TAF13: variants seen among roughly 807,000 people sequenced by gnomAD.
The protein encoded by TAF13 is TATA-box binding protein associated factor 13.
In TAF13, 9 loss-of-function variants were observed where a neutral mutation model predicts 18.7. The ratio of observed to expected loss-of-function variants is 0.48; its 90% CI spans 0.29 to 0.84. The LOEUF (loss-of-function observed/expected upper bound fraction) is 0.84, where lower values mean the gene tolerates loss of function less well. Ranked by LOEUF, TAF13 falls within the 40% of genes least tolerant of loss-of-function variation. The pLI, the probability that TAF13 is intolerant of heterozygous loss-of-function variation, is 0.08. For synonymous variants in TAF13, 49 were observed against 44.1 expected (o/e 1.11, Z -0.44); for missense variants, 105 against 146.5 (o/e 0.72, Z 1.46).
chr1:109,074,596 AT>A (rs1482825731), intron 2 of TAF13, among the ~76,000 whole-genome samples: 2 of 152,176 alleles, frequency 1.3e-5, no homozygotes, highest in South Asian at 2.1e-4. Flanking sequence ...AATTAAAAAA[AT>A]AAAATAAAGC....
In TAF13 at chr1:109,066,259, G is replaced by C. The variant is rs751318190; in HGVS notation, c.107-27C>G. 6.0e-6 allele frequency: 9 copies of C among 1,508,666 alleles called. No individual in the cohort carries two copies. In the Admixed American group the frequency reaches 8.3e-5, roughly 14 times the overall value. The allele number at this position is 1,508,666 out of a possible 1,614,324, so 93.5% of individuals were successfully genotyped here. A position where few individuals can be genotyped will look rare whatever the true frequency, so the allele number is the denominator to read the frequency against. On this transcript the variant is annotated intron_variant, in intron 2 of 3. Coordinates refer to ENST00000338366, the MANE Select transcript of TAF13 (RefSeq NM_005645.4). ...TGTAAAAGAACAATCACTTACTTTT[G>C]TTTACTTTTACAGATTTAACAATTT...
intron 2 of TAF13, among the ~76,000 whole-genome samples, chr1:109,071,427 C>G (rs1284033699): frequency 7.0e-6 from 1 of 142,820 alleles, no homozygotes; most frequent in African/African-American, 2.6e-5. Context: ...GGTGACAGAG[C>G]AAGGCTCCAT....
At chr1:109,066,018 A>G (rs1663945607) in intron 3 of TAF13, 117 bp downstream of exon 3, 2 of 774,280 alleles carry the variant, frequency 2.6e-6, no homozygotes, top group African/African-American at 1.8e-5. Context: ...TTCTGCAAAC[A>G]AGCACTCAAA....
rs1240556609 is a variant in TAF13 at position 109,066,228 on chromosome 1, T to A, written c.111A>T (p.Arg37=). The A allele has an allele frequency of 6.3e-7, 1 of 1,598,658 alleles. No individual in the cohort carries two copies. Among genetic ancestry groups the A allele is most frequent in the Non-Finnish European group, 8.5e-7 (1 of 1,175,146 alleles). The part of the protein sequence containing the change: ...KRKRLFSKEL[R]CMMYGFGDDQ... Reference sequence around the variant, plus strand: ...CATCCCCAAAGCCATACATCATACATCGCACTGTAAAAGAACAATCACTTA... The same window carrying A: ...CATCCCCAAAGCCATACATCATACAACGCACTGTAAAAGAACAATCACTTA... Residue 37 remains arginine, a synonymous_variant, in exon 3 of 4, where the codon CGA becomes CGT. Transcript: ENST00000338366.
At chr1:109,070,091 A>G (rs901330658) in intron 2 of TAF13, among the ~76,000 whole-genome samples, 1 of 152,172 alleles carries the variant, frequency 6.6e-6, no homozygotes, top group Non-Finnish European at 1.5e-5. Flanking sequence ...TTCAGATTTT[A>G]CAAGTTTTTC....
At chr1:109,075,097 A>G in intron 1 of TAF13, 32 bp from the exon 2 acceptor site, 1 of 1,524,404 alleles carries the variant, frequency 6.6e-7, no homozygotes, top group East Asian at 2.3e-5. Flanking sequence ...TAGAAATGTC[A>G]AATAATTGCC....
intron 2 of TAF13, among the ~76,000 whole-genome samples, chr1:109,070,717 G>A (rs1664035436): frequency 6.6e-6 from 1 of 151,964 alleles, no homozygotes; most frequent in African/African-American, 2.4e-5. Context: ...TTTTTTAAAG[G>A]TTCAGGAGAA....
intron 2 of TAF13, among the ~76,000 whole-genome samples, chr1:109,070,502 C>A (rs775203930): frequency 6.6e-6 from 1 of 152,172 alleles, no homozygotes; most frequent in Non-Finnish European, 1.5e-5. Flanking sequence ...TAGGCATGAG[C>A]CACCGTGCCC....
chr1:109,064,659 C>A lies in TAF13; in HGVS notation c.239G>T (p.Arg80Leu). ...HKAMSIGRQG[R>L]VQVEDIVFLI... ...GAAGACGATATCTTCAACTTGTACT[C>A]GACCTTGTCTTCCAATTGACATTGC... Residue 80 changes from arginine to leucine, a missense_variant, in exon 4 of 4, where the codon CGA (arginine) becomes CTA (leucine). Arg to Leu is a moderately radical substitution (Grantham distance 102). Transcript: ENST00000338366. The A allele has an allele frequency of 6.5e-7, 1 of 1,548,372 alleles. No individual in the cohort carries two copies. Among genetic ancestry groups the A allele is most frequent in the Non-Finnish European group, 8.7e-7 (1 of 1,148,310 alleles).
chr1:109,072,780 C>CTT (rs58964826), intron 2 of TAF13, among the ~76,000 whole-genome samples: 2 of 130,426 alleles, frequency 1.5e-5, no homozygotes, highest in African/African-American at 5.8e-5. Context: ...GATTCACCAC[C>CTT]TTTTTTTTTT....
chr1:109,069,926 A>T (rs548904486), intron 2 of TAF13, among the ~76,000 whole-genome samples: 32 of 151,976 alleles, frequency 2.1e-4, no homozygotes, highest in African/African-American at 2.9e-4. Context: ...TTGCCTTTTT[A>T]AAAAAAAGAT....
At chr1:109,075,087 T>C (rs766577180) in intron 1 of TAF13, 22 bp from the exon 2 acceptor site, 35 of 1,560,262 alleles carry the variant, frequency 2.2e-5, no homozygotes, top group Admixed American at 4.0e-5. Flanking sequence ...AATGTATATA[T>C]AGAAATGTCA....
chr1:109,074,863 T>A lies in TAF13; in HGVS notation c.106+124A>T, dbSNP rs113961242. Reference sequence around the variant, plus strand: ...ATCTGATTCAAAAGTTAAACAGAATTTGATAGGCTAGTCTGAGAATATTAT... The same window carrying A: ...ATCTGATTCAAAAGTTAAACAGAATATGATAGGCTAGTCTGAGAATATTAT... On this transcript the variant is annotated intron_variant, in intron 2 of 3. Transcript: ENST00000338366. 2.1e-4 allele frequency: 150 copies of A among 723,026 alleles called. No homozygotes were observed. The African/African-American group carries it at 2.1e-3, about 10-fold the overall frequency. 44.8% of individuals were successfully genotyped at this position (723,026 alleles called of 1,614,324 possible).
At chr1:109,073,235 G>C (rs1407576458) in intron 2 of TAF13, among the ~76,000 whole-genome samples, 3 of 151,754 alleles carry the variant, frequency 2.0e-5, no homozygotes, top group Non-Finnish European at 4.4e-5. Context: ...AATTACATTT[G>C]CTCACTTAAA....
At chr1:109,071,398 G>A (rs1176478555) in intron 2 of TAF13, among the ~76,000 whole-genome samples, 6 of 150,230 alleles carry the variant, frequency 4.0e-5, no homozygotes, top group African/African-American at 1.5e-4. Context: ...CCGAGATCAC[G>A]CCACTGCACT....
chr1:109,072,711 C>T (rs1664096984), intron 2 of TAF13, among the ~76,000 whole-genome samples: 1 of 151,846 alleles, frequency 6.6e-6, no homozygotes, highest in African/African-American at 2.4e-5. Context: ...TCCCGAAGTG[C>T]TGGGATTACA....
At position 109,066,152 on chromosome 1, in the gene TAF13, C is replaced by G. The variant is rs1663947719; in HGVS notation, c.187G>C (p.Glu63Gln). ...AATCTTACCATTTCAGTGATAAACT[C>G]TATGACAAGATCTTCAAGAATATCC... Reference protein sequence around the residue: ...SVDILEDLVIEFITEMTHKAM... With the variant: ...SVDILEDLVIQFITEMTHKAM... The change falls in exon 3 of 4, where the codon GAG (glutamate) becomes CAG (glutamine). Residue 63 changes from glutamate to glutamine, a missense_variant. By Grantham distance (29) the Glu-to-Gln change is conservative (BLOSUM62 2). Coordinates refer to ENST00000338366, the MANE Select transcript of TAF13 (RefSeq NM_005645.4). 1 of 1,611,228 alleles carries G rather than the reference C, an allele frequency of 6.2e-7. No individual in the cohort carries two copies. The highest frequency in any genetic ancestry group is 8.5e-7 in the Non-Finnish European group (1 of 1,179,246).
chr1:109,074,056 C>G (rs1415543033), intron 2 of TAF13, among the ~76,000 whole-genome samples: 1 of 152,216 alleles, frequency 6.6e-6, no homozygotes, highest in Non-Finnish European at 1.5e-5. Context: ...TCTGCCCTGC[C>G]GCCACCCTGT....
intron 3 of TAF13, among the ~76,000 whole-genome samples, chr1:109,065,890 C>A: frequency 6.8e-6 from 1 of 146,188 alleles, no homozygotes. Flanking sequence ...CATTGCACTC[C>A]AGTCTGGGCA....
Sources: gnomAD v4.1 joint callset for allele counts (sites outside exome capture counted in the v4.1 genomes callset) on GRCh38, gnomAD v4.1.1 for gene constraint, MANE v1.5 for transcripts, NCBI Gene and HGNC (gene_info 2026-07-23, HGNC 2026-07-21) for gene names.